ROBO1: variants seen among roughly 807,000 people sequenced by gnomAD.
ROBO1 encodes roundabout homolog 1.
Under a neutral mutation model 195.9 loss-of-function variants are expected in ROBO1, and 149 were observed. The observed-to-expected ratio is 0.76, with a 90% CI of 0.67 to 0.87. The LOEUF (loss-of-function observed/expected upper bound fraction) is 0.87, where lower values mean the gene tolerates loss of function less well. ROBO1 is among the 40% of genes least tolerant of loss of function. ROBO1 has a pLI of 0.00. For missense variants in ROBO1, 1,933 were observed against 2,068.3 expected, an observed-to-expected ratio of 0.93 and a Z score of 1.27; for synonymous variants, 816 against 733.2, an observed-to-expected ratio of 1.11 and a Z score of -1.82.
At chr3:79,523,461 CTTTTTT>C (rs11357931) in intron 2 of ROBO1, among the ~76,000 whole-genome samples, 2 of 134,822 alleles carry the variant, frequency 1.5e-5, no homozygotes, top group African/African-American at 2.8e-5. Flanking sequence ...ATTTTTCTTT[CTTTTTT>C]TTTTCTTTTT....
intron 25 of ROBO1, among the ~76,000 whole-genome samples, chr3:78,629,695 A>G (rs779616269): frequency 4.9e-5 from 5 of 102,464 alleles, no homozygotes; most frequent in Non-Finnish European, 1.1e-4. Context: ...CCAAACATAC[A>G]GTTTCGTTTT....
chr3:79,080,611 C>T (rs1015630359), intron 3 of ROBO1, among the ~76,000 whole-genome samples: 2 of 151,920 alleles, frequency 1.3e-5, no homozygotes, highest in Non-Finnish European at 2.9e-5. Context: ...ACAGTATTTG[C>T]ATAAAGCATT....
chr3:79,309,433 C>CA lies in ROBO1; in HGVS notation c.89-183895dup, dbSNP rs1440222409. On this transcript the variant is annotated intron_variant, in intron 2 of 30. Transcript: ENST00000464233. ...CGTCTCTACAAAAACCCAGTCTCTA[C>CA]AAAAAAATATGAAAAGAAATAAATA... is the stretch of plus-strand genomic sequence containing the variant. Among the ~76,000 whole-genome samples, 6 of 151,722 alleles carry CA rather than the reference C, an allele frequency of 4.0e-5. No individual in the cohort carries two copies. In the East Asian group the frequency reaches 5.8e-4, roughly 15 times the overall value.
chr3:79,550,168 G>GAAGA lies in ROBO1; in HGVS notation c.88+39652_88+39655dup, dbSNP rs1200148231. ...AAAAGAAAGGAAGAAAGAAAGAAAGGAAGAAAGAAAGAAAGAAAGAAAGAA... is the reference window on the plus strand; with the variant it reads ...AAAAGAAAGGAAGAAAGAAAGAAAGGAAGAAAGAAAGAAAGAAAGAAAGAAAGAA... On this transcript the variant is annotated intron_variant, in intron 2 of 30. Transcript: ENST00000464233. Among the ~76,000 whole-genome samples the GAAGA allele has an allele frequency of 1.5e-3, 144 of 96,888 alleles. 4 individuals carry two copies. Among genetic ancestry groups the GAAGA allele is most frequent in the African/African-American group, 3.6e-3 (87 of 24,154 alleles). The allele number at this position is 96,888 out of a possible 152,430, so 63.6% of individuals were successfully genotyped here.
chr3:79,594,617 C>CAGATAATTGTTTG (rs1944106333), intron 1 of ROBO1, among the ~76,000 whole-genome samples: 1 of 151,890 alleles, frequency 6.6e-6, no homozygotes, highest in Admixed American at 6.6e-5. Context: ...CCTAGCTCAC[C>CAGATAATTGTTTG]ACTCAGATAA....
intron 3 of ROBO1, among the ~76,000 whole-genome samples, chr3:79,091,827 C>G (rs947441860): frequency 6.6e-6 from 1 of 151,890 alleles, no homozygotes; most frequent in African/African-American, 2.4e-5. Context: ...GTTGGAGGGA[C>G]GTTAGGAATT....
At chr3:78,959,310 C>T (rs1012337561) in intron 3 of ROBO1, among the ~76,000 whole-genome samples, 2 of 152,150 alleles carry the variant, frequency 1.3e-5, no homozygotes, top group Admixed American at 6.5e-5. Context: ...TGTCACATTA[C>T]TATCATATTT....
intron 1 of ROBO1, among the ~76,000 whole-genome samples, chr3:79,596,211 T>C (rs1944164544): frequency 6.6e-6 from 1 of 152,054 alleles, no homozygotes; most frequent in African/African-American, 2.4e-5. Context: ...AATACATGAA[T>C]AATAAATATT....
At chr3:78,733,490 C>T (rs1342422824) in intron 5 of ROBO1, among the ~76,000 whole-genome samples, 1 of 151,652 alleles carries the variant, frequency 6.6e-6, no homozygotes, top group African/African-American at 2.4e-5. Flanking sequence ...AGAACGATTA[C>T]AAGCAATTAG....
chr3:78,754,187 A>C (rs1469151048), intron 4 of ROBO1, among the ~76,000 whole-genome samples: 2 of 152,202 alleles, frequency 1.3e-5, no homozygotes, highest in African/African-American at 4.8e-5. Context: ...TATATGGTGC[A>C]TTACATCTGC....
intron 2 of ROBO1, among the ~76,000 whole-genome samples, chr3:79,520,062 G>C (rs1177802644): frequency 1.3e-5 from 2 of 151,566 alleles, no homozygotes; most frequent in African/African-American, 4.9e-5. Context: ...CAGCTACTTA[G>C]AAGGTAGGAG....
intron 29 of ROBO1, 50 bp downstream of exon 29, chr3:78,606,683 T>C (rs1369185046): frequency 1.3e-6 from 2 of 1,569,200 alleles, no homozygotes; most frequent in African/African-American, 1.3e-5. Flanking sequence ...ACTGTATGCC[T>C]TGCAAACACA....
chr3:79,073,231 C>G (rs143251258), intron 3 of ROBO1, among the ~76,000 whole-genome samples: 1 of 151,934 alleles, frequency 6.6e-6, no homozygotes, highest in Non-Finnish European at 1.5e-5. Flanking sequence ...TTCTTAGCGT[C>G]TCCCATTTTA....
At chr3:79,168,745 G>A (rs953161054) in intron 2 of ROBO1, among the ~76,000 whole-genome samples, 1 of 152,058 alleles carries the variant, frequency 6.6e-6, no homozygotes, top group African/African-American at 2.4e-5. Context: ...ACTGTTTTAG[G>A]AGCTTAAAAT....
chr3:79,370,239 TC>T (rs1319053334), intron 2 of ROBO1, among the ~76,000 whole-genome samples: 1 of 150,558 alleles, frequency 6.6e-6, no homozygotes, highest in Non-Finnish European at 1.5e-5. Context: ...GTGCCTGTAG[TC>T]CTAGTGACTA....
chr3:79,016,852 T>G (rs1292235969), intron 3 of ROBO1, among the ~76,000 whole-genome samples: 1 of 152,128 alleles, frequency 6.6e-6, no homozygotes, highest in African/African-American at 2.4e-5. Context: ...AGCTGTAAAT[T>G]AAACTAGGCA....
chr3:78,985,420 T>TC (rs1370806687), intron 3 of ROBO1, among the ~76,000 whole-genome samples: 1 of 152,176 alleles, frequency 6.6e-6, no homozygotes, highest in African/African-American at 2.4e-5. Context: ...AGGCTTCCAG[T>TC]CAACAGTAGG....
At chr3:78,973,508 T>TTA (rs959343297) in intron 3 of ROBO1, among the ~76,000 whole-genome samples, 11 of 144,776 alleles carry the variant, frequency 7.6e-5, no homozygotes, top group African/African-American at 1.5e-4. Flanking sequence ...TATATATATA[T>TTA]TATATATATA....
intron 3 of ROBO1, among the ~76,000 whole-genome samples, chr3:79,053,613 C>A (rs540269841): frequency 6.6e-6 from 1 of 152,028 alleles, no homozygotes; most frequent in East Asian, 2.0e-4. Flanking sequence ...TTCTCTGTAC[C>A]CTTCTTCACA....
Sources: allele counts gnomAD v4.1 joint callset (sites outside exome capture counted in the v4.1 genomes callset), GRCh38; gene constraint gnomAD v4.1.1; transcripts MANE v1.5; gene names NCBI Gene and HGNC (gene_info 2026-07-23, HGNC 2026-07-21).